Variants in NELL1 observed in about 807,000 individuals in gnomAD.
NELL1 encodes the protein neural EGFL like 1.
A neutral mutation model predicts 107.4 loss-of-function variants in NELL1; 76 were observed. The ratio of observed to expected loss-of-function variants is 0.71; its 90% CI spans 0.59 to 0.86. NELL1 has a LOEUF of 0.86. Among genes scored for constraint, NELL1 ranks in the 40% least tolerant of loss-of-function variants. The pLI, the probability that NELL1 is intolerant of heterozygous loss-of-function variation, is 0.00. For synonymous variants in NELL1, 353 were observed against 341.2 expected, an observed-to-expected ratio of 1.03 and a Z score of -0.38; for missense variants, 1,024 against 1,005.5, an observed-to-expected ratio of 1.02 and a Z score of -0.25.
At chr11:21,497,963 C>G (rs1855027284) in intron 15 of NELL1, among the ~76,000 whole-genome samples, 1 of 151,910 alleles carries the variant, frequency 6.6e-6, no homozygotes, top group African/African-American at 2.4e-5. Flanking sequence ...AATATTACTA[C>G]TCCTTCTTTG....
intron 2 of NELL1, among the ~76,000 whole-genome samples, chr11:20,717,777 T>A (rs75394077): frequency 0.034 from 5,182 of 152,266 alleles, 300 homozygotes; most frequent in African/African-American, 0.12. Flanking sequence ...TTTTTTGGTC[T>A]CCTTTAATTT....
At chr11:20,761,316 C>G (rs1348302320) in intron 2 of NELL1, among the ~76,000 whole-genome samples, 1 of 152,166 alleles carries the variant, frequency 6.6e-6, no homozygotes, top group Non-Finnish European at 1.5e-5. Flanking sequence ...CTAGTGGATA[C>G]AAGCAGTCAC....
chr11:21,359,271 T>G (rs1380494056), intron 14 of NELL1, among the ~76,000 whole-genome samples: 2 of 152,212 alleles, frequency 1.3e-5, no homozygotes, highest in African/African-American at 4.8e-5. Context: ...GTTTATGTGA[T>G]ATATCACATT....
intron 19 of NELL1, 21 bp from the exon 20 acceptor site, chr11:21,574,951 A>T (rs760545905): frequency 1.3e-5 from 21 of 1,607,346 alleles, no homozygotes; most frequent in Non-Finnish European, 1.8e-5. Flanking sequence ...ACTGGCTAAC[A>T]CATGTTTCTT....
At chr11:20,956,696 C>G (rs1173671838) in intron 11 of NELL1, among the ~76,000 whole-genome samples, 2 of 151,802 alleles carry the variant, frequency 1.3e-5, no homozygotes, top group Non-Finnish European at 2.9e-5. Flanking sequence ...ATATGCATAC[C>G]TAGAAAAGCA....
chr11:20,845,144 T>A (rs529743655), intron 3 of NELL1, among the ~76,000 whole-genome samples: 25 of 152,366 alleles, frequency 1.6e-4, no homozygotes, highest in African/African-American at 5.3e-4. Context: ...TCATCCAAGT[T>A]GCATGAGATG....
At chr11:20,673,972 A>G (rs370321509) in intron 1 of NELL1, among the ~76,000 whole-genome samples, 2 of 152,216 alleles carry the variant, frequency 1.3e-5, no homozygotes, top group East Asian at 1.9e-4. Flanking sequence ...ACATCCTGCT[A>G]TGGGCACGAG....
intron 2 of NELL1, among the ~76,000 whole-genome samples, chr11:20,772,613 T>TTTCA (rs3045564): frequency 0.11 from 16,998 of 150,826 alleles, 2,645 homozygotes; most frequent in African/African-American, 0.35. Context: ...ATTAGGCACT[T>TTTCA]TTCATTCATT....
At chr11:20,804,337 G>A (rs1254697671) in intron 3 of NELL1, among the ~76,000 whole-genome samples, 1 of 152,146 alleles carries the variant, frequency 6.6e-6, no homozygotes, top group Non-Finnish European at 1.5e-5. Flanking sequence ...CTGAGTTCAA[G>A]CAAGTCTCCT....
intron 12 of NELL1, among the ~76,000 whole-genome samples, chr11:21,007,035 T>G (rs1476465644): frequency 6.6e-6 from 1 of 152,050 alleles, no homozygotes; most frequent in South Asian, 2.1e-4. Context: ...TAGAAGCAAA[T>G]GTTGGCTGAC....
At chr11:21,447,596 C>T (rs959822227) in intron 15 of NELL1, among the ~76,000 whole-genome samples, 3 of 152,134 alleles carry the variant, frequency 2.0e-5, no homozygotes, top group Non-Finnish European at 2.9e-5. Context: ...AAGACAAAGT[C>T]GACTTTTCTC....
At chr11:21,190,306 C>G (rs935997085) in intron 13 of NELL1, among the ~76,000 whole-genome samples, 2 of 151,716 alleles carry the variant, frequency 1.3e-5, no homozygotes, top group African/African-American at 2.4e-5. Flanking sequence ...GAGCAGAGAT[C>G]GCACCACTGC....
intron 15 of NELL1, among the ~76,000 whole-genome samples, chr11:21,417,985 C>T (rs1852561660): frequency 6.6e-6 from 1 of 152,120 alleles, no homozygotes; most frequent in South Asian, 2.1e-4. Context: ...ATGTCCCAAG[C>T]ACTATGCAAA....
intron 12 of NELL1, among the ~76,000 whole-genome samples, chr11:21,111,469 C>T (rs753888437): frequency 6.6e-6 from 1 of 152,088 alleles, no homozygotes; most frequent in African/African-American, 2.4e-5. Flanking sequence ...TAGTCATTCT[C>T]TGCACCAATC....
At position 20,698,577 on chromosome 11, in the gene NELL1, G is replaced by A. The variant is rs1433840473; in HGVS notation, c.184+20517G>A. On this transcript the variant is annotated intron_variant, in intron 2 of 19. Transcript: ENST00000357134. ...ATTGAATAATAATGATAATGTCCAAGGTAGAAGATATTTTTAAGGATTAAT... is the reference window on the plus strand; with the variant it reads ...ATTGAATAATAATGATAATGTCCAAAGTAGAAGATATTTTTAAGGATTAAT... Among the ~76,000 whole-genome samples, 3 of 152,244 alleles carry A rather than the reference G, an allele frequency of 2.0e-5. No homozygotes were observed. The East Asian group carries it at 5.8e-4, about 29-fold the overall frequency.
intron 12 of NELL1, among the ~76,000 whole-genome samples, chr11:21,005,568 G>A (rs549599501): frequency 2.0e-5 from 3 of 152,258 alleles, no homozygotes; most frequent in Non-Finnish European, 4.4e-5. Flanking sequence ...TAAATGGGTA[G>A]CATGTATTTC....
At chr11:21,333,220 G>A (rs1850310698) in intron 14 of NELL1, among the ~76,000 whole-genome samples, 1 of 152,054 alleles carries the variant, frequency 6.6e-6, no homozygotes, top group Admixed American at 6.6e-5. Flanking sequence ...GGGCAAAGCA[G>A]CATCCAAAGT....
intron 12 of NELL1, among the ~76,000 whole-genome samples, chr11:21,111,868 C>T (rs766259138): frequency 2.4e-4 from 36 of 152,112 alleles, no homozygotes; most frequent in Non-Finnish European, 4.7e-4. Context: ...CCTGGCTTCT[C>T]TTCTTGTTTC....
At chr11:21,270,349 A>T (rs1565139243) in intron 14 of NELL1, among the ~76,000 whole-genome samples, 1 of 152,150 alleles carries the variant, frequency 6.6e-6, no homozygotes. Context: ...AGAAATATAT[A>T]TCATGCTAAT....
Sources: gnomAD v4.1 joint callset for allele counts (sites outside exome capture counted in the v4.1 genomes callset) on GRCh38, gnomAD v4.1.1 for gene constraint, MANE v1.5 for transcripts, NCBI Gene and HGNC (gene_info 2026-07-23, HGNC 2026-07-21) for gene names.